The following KRT7 variants were observed in gnomAD, a reference collection of about 807,000 sequenced individuals.
KRT7 encodes the protein keratin 7, also known as keratin, type II cytoskeletal 7.
Under a neutral mutation model 42.8 loss-of-function variants are expected in KRT7, and 50 were observed. That is an observed-to-expected ratio of 1.17 (90% CI 0.93 to 1.48). The LOEUF is 1.48. Ranked by LOEUF, KRT7 falls within the 40% of genes most tolerant of loss-of-function variation. KRT7 has a pLI of 0.00. For synonymous variants in KRT7, 268 were observed against 266.3 expected (o/e 1.01, Z -0.06); for missense variants, 588 against 637.6 (o/e 0.92, Z 0.84).
rs1942216100 is a variant in KRT7 at position 52,248,644 on chromosome 12, C to T, written c.1294C>T (p.Leu432Phe). 9 of 1,611,664 alleles carry T rather than the reference C, an allele frequency of 5.6e-6. No individual in the cohort carries two copies. Among genetic ancestry groups the T allele is most frequent in the Non-Finnish European group, 7.6e-6 (9 of 1,178,688 alleles). Residue 432 changes from leucine to phenylalanine, a missense_variant, in exon 9 of 9, where the codon CTC becomes TTC. Transcript: ENST00000331817. The part of the protein sequence containing the change: ...SSSGGGIGLT[L>F]GGTMGSNALS... ...CAGTGGCGGTGGCATTGGGCTGACCCTCGGGGGAACCATGGGCAGCAATGC... is the reference window on the plus strand; with the variant it reads ...CAGTGGCGGTGGCATTGGGCTGACCTTCGGGGGAACCATGGGCAGCAATGC...
chr12:52,234,471 G>A (rs553570739), intron 1 of KRT7, among the ~76,000 whole-genome samples: 3 of 152,048 alleles, frequency 2.0e-5, no homozygotes, highest in Non-Finnish European at 4.4e-5. Context: ...CCTCCCTCAC[G>A]TTCTCCTTTC....
intron 1 of KRT7, among the ~76,000 whole-genome samples, chr12:52,233,964 C>A (rs902643905): frequency 6.6e-6 from 1 of 152,176 alleles, no homozygotes; most frequent in African/African-American, 2.4e-5. Flanking sequence ...GAGGCCTAGG[C>A]CAGGAGTTCT....
chr12:52,249,462 T>C (rs947257254), downstream of KRT7: 1 of 152,178 alleles, frequency 6.6e-6, no homozygotes, highest in Non-Finnish European at 1.5e-5. Flanking sequence ...TGTGTGTGCA[T>C]GGGAGGAGGG....
downstream of KRT7, chr12:52,252,037 A>C (rs1351053194): frequency 5.5e-6 from 4 of 722,456 alleles, no homozygotes. Flanking sequence ...AGACATTTAC[A>C]GCACCAACGC....
In KRT7 at chr12:52,241,457, G is replaced by T. The variant is rs2078201; in HGVS notation, c.694-15G>T. 4.4e-6 allele frequency: 7 copies of T among 1,597,894 alleles called. No homozygotes were observed. In the East Asian group the frequency reaches 1.6e-4, roughly 36 times the overall value. ...ATCCTGCCCTAAGTCCTGATGTCCC[G>T]TCTGGTCCCTACAGGAGTTGACAGA... On this transcript the variant is annotated splice_polypyrimidine_tract_variant and intron_variant, in intron 4 of 8. Transcript: ENST00000331817.
chr12:52,234,613 C>CTGCT (rs1187514481), intron 1 of KRT7, among the ~76,000 whole-genome samples: 2 of 152,150 alleles, frequency 1.3e-5, no homozygotes, highest in Non-Finnish European at 2.9e-5. Flanking sequence ...GGGCCCTGAG[C>CTGCT]TGCTGGTTTT....
At chr12:52,249,940 A>T (rs1455757324), downstream of KRT7, among the ~76,000 whole-genome samples, 1 of 152,132 alleles carries the variant, frequency 6.6e-6, no homozygotes, top group Non-Finnish European at 1.5e-5. Flanking sequence ...CAGGAGATCC[A>T]GGCCCTCTCC....
downstream of KRT7, chr12:52,250,511 G>C (rs1232643467): frequency 1.3e-6 from 1 of 762,380 alleles, no homozygotes; most frequent in Non-Finnish European, 2.2e-6. Context: ...TCTGGCCGCA[G>C]GGCGCACACA....
At position 52,233,681 on chromosome 12, in the gene KRT7, A is replaced by G. The variant is rs1050984536; in HGVS notation, c.324+61A>G. On this transcript the variant is annotated intron_variant, in intron 1 of 8. Coordinates refer to ENST00000331817, the MANE Select transcript of KRT7 (RefSeq NM_005556.4). Reference sequence around the variant, plus strand: ...CGCTCCAGACCACACCAGCCGCCCTAACTAGCCCTGCCTGCGCGCGGGCCA... The same window carrying G: ...CGCTCCAGACCACACCAGCCGCCCTGACTAGCCCTGCCTGCGCGCGGGCCA... 33 of 1,552,702 alleles carry G rather than the reference A, an allele frequency of 2.1e-5. No individual in the cohort carries two copies. The South Asian group carries it at 2.6e-4, about 12-fold the overall frequency.
downstream of KRT7, among the ~76,000 whole-genome samples, chr12:52,254,106 T>C (rs1024434970): frequency 1.3e-5 from 2 of 152,208 alleles, no homozygotes; most frequent in African/African-American, 4.8e-5. Context: ...GCCTGGGGCA[T>C]GGCAGTGGGA....
At chr12:52,252,412 A>C, downstream of KRT7, 2 of 1,614,158 alleles carry the variant, frequency 1.2e-6, no homozygotes, top group Non-Finnish European at 1.7e-6. Flanking sequence ...GCCAGCTTGC[A>C]GCGGGCATCA....
chr12:52,252,414 C>G, downstream of KRT7: 1 of 1,614,136 alleles, frequency 6.2e-7, no homozygotes, highest in Non-Finnish European at 8.5e-7. Flanking sequence ...CAGCTTGCAG[C>G]GGGCATCACT....
chr12:52,243,311 C>A, intron 6 of KRT7, 174 bp downstream of exon 6: 1 of 735,976 alleles, frequency 1.4e-6, no homozygotes, highest in Non-Finnish European at 2.1e-6. Flanking sequence ...CAGGTCCTGG[C>A]ATGGGCTGAT....
chr12:52,240,924 TC>T lies in KRT7; in HGVS notation c.694-542del, dbSNP rs200747634. ...TTCTCCTAATGCTATCACTCCCCCC[TC>T]CCCCCACGCCCCCGACAGGCCCCGG... On this transcript the variant is annotated intron_variant, in intron 4 of 8. Transcript: ENST00000331817. Among the ~76,000 whole-genome samples the T allele has an allele frequency of 9.6e-3, 918 of 95,298 alleles. 13 individuals carry two copies. The highest frequency in any genetic ancestry group is 0.034 in the African/African-American group (881 of 25,752). The allele number at this position is 95,298 out of a possible 152,430, so 62.5% of individuals were successfully genotyped here.
In KRT7 at chr12:52,245,211, T is replaced by TA. The variant is rs773525957; in HGVS notation, c.985-199dup. On this transcript the variant is annotated intron_variant, in intron 6 of 8. Transcript: ENST00000331817. Reference sequence around the variant, plus strand: ...GATTCATCCATGGTCACACAGCTAGTAAGTGGCAGAGCCAGAACTGGAACA... The same window carrying TA: ...GATTCATCCATGGTCACACAGCTAGTAAAGTGGCAGAGCCAGAACTGGAACA... The TA allele has an allele frequency of 5.5e-4, 328 of 601,080 alleles. 2 individuals are homozygous for TA. The highest frequency in any genetic ancestry group is 7.1e-4 in the Non-Finnish European group (245 of 343,478). The allele number at this position is 601,080 out of a possible 1,614,324, so 37.2% of individuals were successfully genotyped here.
Position 52,235,333 on chromosome 12 carries a change from G to T in KRT7, c.503G>T (p.Ser168Ile). ...GGCCGCCTGGAGGCGGAGCTGCGGA[G>T]CATGCAGGATGTGGTGGAGGACTTC... ...DGGRLEAELR[S>I]MQDVVEDFKN... Residue 168 changes from serine (S) to isoleucine (I), a missense_variant, in exon 2 of 9, where the codon AGC becomes ATC. Ser to Ile is a moderately radical substitution (Grantham distance 142). Coordinates refer to ENST00000331817, the MANE Select transcript of KRT7 (RefSeq NM_005556.4). The T allele has an allele frequency of 1.2e-6, 2 of 1,613,430 alleles. No individual in the cohort carries two copies. The highest frequency in any genetic ancestry group is 1.7e-6 in the Non-Finnish European group (2 of 1,179,832).
Position 52,248,731 on chromosome 12 carries a change from T to C in KRT7, c.1381T>C (p.Ser461Pro), listed in dbSNP as rs763576061. 6.3e-6 allele frequency: 10 copies of C among 1,593,876 alleles called. No homozygotes were observed. The highest frequency in any genetic ancestry group is 8.5e-6 in the Non-Finnish European group (10 of 1,171,190). ...GAAGGCTTATTCCATCCGGACCGCATCCGCCAGTCGCAGGAGTGCCCGCGA... is the reference window on the plus strand; with the variant it reads ...GAAGGCTTATTCCATCCGGACCGCACCCGCCAGTCGCAGGAGTGCCCGCGA... ...LLKAYSIRTA[S>P]ASRRSARD Residue 461 changes from serine (S) to proline (P), a missense_variant, in exon 9 of 9, where the codon TCC becomes CCC. Ser to Pro is a moderately conservative substitution (Grantham distance 74). Coordinates refer to ENST00000331817, the MANE Select transcript of KRT7 (RefSeq NM_005556.4).
chr12:52,244,887 G>A (rs961817590), intron 6 of KRT7, among the ~76,000 whole-genome samples: 6 of 152,212 alleles, frequency 3.9e-5, no homozygotes, highest in South Asian at 2.1e-4. Flanking sequence ...CCTATTCTGC[G>A]CCTGCTCTCA....
chr12:52,254,918 AAG>A (rs1339240212), downstream of KRT7, among the ~76,000 whole-genome samples: 2 of 152,220 alleles, frequency 1.3e-5, no homozygotes, highest in Non-Finnish European at 2.9e-5. Context: ...TCTAAGAGGC[AAG>A]GAATGACGGT....
Sources: gnomAD v4.1 joint callset for allele counts (sites outside exome capture counted in the v4.1 genomes callset) on GRCh38, gnomAD v4.1.1 for gene constraint, MANE v1.5 for transcripts, NCBI Gene and HGNC (gene_info 2026-07-23, HGNC 2026-07-21) for gene names.